The following PTPRQ variants were observed in gnomAD, a reference collection of about 807,000 sequenced individuals.
PTPRQ encodes the protein protein tyrosine phosphatase receptor type Q.
PTPRQ carries 199 observed loss-of-function variants against 246.0 expected under a neutral mutation model. The ratio of observed to expected loss-of-function variants is 0.81; its 90% confidence interval spans 0.72 to 0.91. PTPRQ has a LOEUF of 0.91. PTPRQ is among the 40% of genes least tolerant of loss of function. PTPRQ has a pLI of 0.00. For synonymous variants in PTPRQ, 869 were observed against 853.2 expected (o/e 1.02, Z -0.32); for missense variants, 2,624 against 2,528.4 (o/e 1.04, Z -0.81).
chr12:80,621,461 A>G (rs1003916983), intron 32 of PTPRQ, among the ~76,000 whole-genome samples: 5 of 151,968 alleles, frequency 3.3e-5, no homozygotes, highest in Admixed American at 1.3e-4. Flanking sequence ...TTTTAAATTA[A>G]GTAAATTTCA....
chr12:80,468,979 A>AG, intron 7 of PTPRQ, 141 bp downstream of exon 7: 1 of 1,192,906 alleles, frequency 8.4e-7, no homozygotes. Flanking sequence ...GTCATAAGGA[A>AG]GGGGAGGTCC....
At chr12:80,597,055 T>C (rs1897993046) in intron 26 of PTPRQ, among the ~76,000 whole-genome samples, 1 of 151,938 alleles carries the variant, frequency 6.6e-6, no homozygotes, top group African/African-American at 2.4e-5. Flanking sequence ...TACCAAGAGA[T>C]GGAGAGGTAC....
intron 14 of PTPRQ, among the ~76,000 whole-genome samples, chr12:80,497,826 C>T (rs566073044): frequency 4.3e-4 from 66 of 152,098 alleles, no homozygotes; most frequent in African/African-American, 1.5e-3. Flanking sequence ...ACTGGTGGAA[C>T]CACATGAAAT....
intron 8 of PTPRQ, among the ~76,000 whole-genome samples, chr12:80,472,831 A>G (rs968945827): frequency 3.3e-5 from 5 of 152,218 alleles, no homozygotes; most frequent in African/African-American, 9.6e-5. Context: ...GAATGTTTCC[A>G]TACTATTTCA....
At chr12:80,466,616 G>C (rs1016055107) in intron 6 of PTPRQ, among the ~76,000 whole-genome samples, 1 of 152,140 alleles carries the variant, frequency 6.6e-6, no homozygotes, top group African/African-American at 2.4e-5. Context: ...ATACTACAAG[G>C]CTACAGTAAC....
At chr12:80,461,769 A>C (rs1440639362) in intron 6 of PTPRQ, among the ~76,000 whole-genome samples, 1 of 151,418 alleles carries the variant, frequency 6.6e-6, no homozygotes, top group Non-Finnish European at 1.5e-5. Flanking sequence ...ATTATTTTTC[A>C]TTTCATATAA....
At chr12:80,517,467 T>C (rs1296737085) in intron 17 of PTPRQ, among the ~76,000 whole-genome samples, 2 of 152,038 alleles carry the variant, frequency 1.3e-5, no homozygotes, top group African/African-American at 4.8e-5. Context: ...GAAAATGGGG[T>C]ATCCATCCCC....
At chr12:80,544,204 G>A (rs1896238245) in intron 23 of PTPRQ, among the ~76,000 whole-genome samples, 1 of 152,124 alleles carries the variant, frequency 6.6e-6, no homozygotes, top group Non-Finnish European at 1.5e-5. Flanking sequence ...CAAAATGGGA[G>A]TTACAAAGAT....
chr12:80,610,436 T>C lies in PTPRQ; in HGVS notation c.4732-3T>C, dbSNP rs1490446399. ...CTTAATTTTTACTTATATTTTCCTA[T>C]AGGTAGATAATGATGAATTTAATAT... On this transcript the variant is annotated splice_region_variant and splice_polypyrimidine_tract_variant and intron_variant, in intron 27 of 44. Coordinates refer to ENST00000644991, the MANE Select transcript of PTPRQ (RefSeq NM_001145026.2). 2.7e-6 allele frequency: 4 copies of C among 1,471,638 alleles called. No individual in the cohort carries two copies. Among genetic ancestry groups the C allele is most frequent in the Admixed American group, 2.6e-5 (1 of 38,594 alleles). The allele number at this position is 1,471,638 out of a possible 1,614,324, so 91.2% of individuals were successfully genotyped here.
chr12:80,465,704 C>T (rs1413334025), intron 6 of PTPRQ, among the ~76,000 whole-genome samples: 4 of 151,924 alleles, frequency 2.6e-5, no homozygotes, highest in African/African-American at 7.2e-5. Context: ...GTTCAATATA[C>T]ACAAATCAAT....
chr12:80,634,896 T>C, intron 34 of PTPRQ, 49 bp from the exon 35 acceptor site: 1 of 1,541,134 alleles, frequency 6.5e-7, no homozygotes, highest in Non-Finnish European at 8.8e-7. Context: ...CCTAATTTTA[T>C]ATACTTTGTG....
At position 80,607,673 on chromosome 12, in the gene PTPRQ, C is replaced by T. The variant is rs528946814; in HGVS notation, c.4731+2493C>T. Among the ~76,000 whole-genome samples the T allele has an allele frequency of 1.6e-4, 24 of 150,920 alleles. 1 individual carries two copies. In the South Asian group the frequency reaches 5.0e-3, roughly 31 times the overall value. ...GACTAAGGAAGAATACATAGCATTG[C>T]ACTTGGGACTTATTGTGCAGCCTGT... On this transcript the variant is annotated intron_variant, in intron 27 of 44. Coordinates refer to ENST00000644991, the MANE Select transcript of PTPRQ (RefSeq NM_001145026.2).
intron 7 of PTPRQ, among the ~76,000 whole-genome samples, chr12:80,469,310 A>G (rs529463872): frequency 6.6e-6 from 1 of 152,176 alleles, no homozygotes; most frequent in South Asian, 2.1e-4. Flanking sequence ...AACTGCTTTA[A>G]AAAAGAAAAC....
At chr12:80,624,336 T>G (rs182258489) in intron 33 of PTPRQ, among the ~76,000 whole-genome samples, 1 of 152,192 alleles carries the variant, frequency 6.6e-6, no homozygotes, top group South Asian at 2.1e-4. Flanking sequence ...GTGTATTTTT[T>G]GTAGACCAGT....
intron 25 of PTPRQ, among the ~76,000 whole-genome samples, chr12:80,586,169 A>G (rs1376209245): frequency 6.6e-6 from 1 of 152,042 alleles, no homozygotes; most frequent in African/African-American, 2.4e-5. Context: ...AGTCTTTGCT[A>G]TCGTGAATAA....
At chr12:80,613,914 T>C (rs1898651356) in intron 29 of PTPRQ, 78 bp downstream of exon 29, 1 of 1,400,090 alleles carries the variant, frequency 7.1e-7, no homozygotes, top group African/African-American at 1.5e-5. Flanking sequence ...ATATTGCAGT[T>C]TGTGTACACA....
intron 19 of PTPRQ, among the ~76,000 whole-genome samples, chr12:80,535,793 A>T (rs757766246): frequency 5.3e-5 from 8 of 152,232 alleles, no homozygotes; most frequent in Non-Finnish European, 1.0e-4. Context: ...TGAATCAAAG[A>T]TGCAGAGAGC....
At chr12:80,489,462 A>G (rs544086121) in intron 9 of PTPRQ, among the ~76,000 whole-genome samples, 2 of 152,184 alleles carry the variant, frequency 1.3e-5, no homozygotes, top group East Asian at 1.9e-4. Context: ...TGCAGTAACA[A>G]CAATAATAAA....
At chr12:80,645,281 T>C (rs1348234840) in intron 35 of PTPRQ, among the ~76,000 whole-genome samples, 5 of 152,046 alleles carry the variant, frequency 3.3e-5, no homozygotes, top group Non-Finnish European at 7.4e-5. Flanking sequence ...TTATCTGCTA[T>C]GGCTTTTGCT....
Sources: gnomAD v4.1 joint callset for allele counts (sites outside exome capture counted in the v4.1 genomes callset) on GRCh38, gnomAD v4.1.1 for gene constraint, MANE v1.5 for transcripts, NCBI Gene and HGNC (gene_info 2026-07-23, HGNC 2026-07-21) for gene names.